MACROD1: variants seen among roughly 807,000 people sequenced by gnomAD.
MACROD1 encodes ADP-ribose glycohydrolase MACROD1.
In MACROD1, 31 loss-of-function variants were observed where a neutral mutation model predicts 41.4. The observed-to-expected ratio is 0.75, with a 90% CI of 0.56 to 1.01. The LOEUF (loss-of-function observed/expected upper bound fraction) is 1.01, where lower values mean the gene tolerates loss of function less well. Among genes scored for constraint, MACROD1 ranks in the 50% least tolerant of loss-of-function variants. The pLI, the probability that MACROD1 is intolerant of heterozygous loss-of-function variation, is 0.00. For synonymous variants in MACROD1, 252 were observed against 203.4 expected (o/e 1.24, Z -2.03); for missense variants, 473 against 460.0 (o/e 1.03, Z -0.26).
intron 3 of MACROD1, among the ~76,000 whole-genome samples, chr11:64,133,501 G>A (rs1945293691): frequency 6.6e-6 from 1 of 152,112 alleles, no homozygotes; most frequent in South Asian, 2.1e-4. Context: ...TGTGGCTCGC[G>A]TTCTCTCCCT....
In MACROD1 at chr11:64,090,933, T is replaced by C. The variant is rs1170691612; in HGVS notation, c.517+60306A>G. On this transcript the variant is annotated intron_variant, in intron 3 of 10. Transcript: ENST00000255681. This position sits in a 1 kb window ranked among gnomAD's most constrained non-coding sequence, Gnocchi z 4.7. ...GGTGGTCACAGTTTGGTCTGCCCTG[T>C]AGGGGGCACTGGCAGAATCTGCAGC... 3.3e-5 allele frequency among the ~76,000 whole-genome samples: 5 copies of C among 151,148 alleles called. No homozygotes were observed. The South Asian group carries it at 1.1e-3, about 32-fold the overall frequency.
In MACROD1 at chr11:64,062,012, C is replaced by G. The variant is rs374023464; in HGVS notation, c.518-46731G>C. Reference sequence around the variant, plus strand: ...CTACTTGCTTCTGTTAGTTACTTTCCCAAACAAATCCTGTCCTGAGATTCT... The same window carrying G: ...CTACTTGCTTCTGTTAGTTACTTTCGCAAACAAATCCTGTCCTGAGATTCT... On this transcript the variant is annotated intron_variant, in intron 3 of 10. Coordinates refer to ENST00000255681, the MANE Select transcript of MACROD1 (RefSeq NM_014067.4). Among the ~76,000 whole-genome samples the G allele has an allele frequency of 3.5e-5, 5 of 142,586 alleles. No homozygotes were observed. The East Asian group carries it at 9.0e-4, about 26-fold the overall frequency. 93.5% of individuals were successfully genotyped at this position (142,586 alleles called of 152,430 possible).
chr11:64,151,304 T>C lies in MACROD1; in HGVS notation c.452A>G (p.Asn151Ser). ...EPRYKKDKQL[N>S]EKISLLRSDI... The stretch of plus-strand genomic sequence containing the variant: ...GCTGCGGAGCAGGGAGATTTTCTCA[T>C]TGAGCTGCTTGTCCTTTTTATACCT... Residue 151 changes from asparagine to serine, a missense_variant, in exon 3 of 11, where the codon AAT becomes AGT. Asn to Ser is a conservative substitution (Grantham distance 46). Transcript: ENST00000255681. 1 of 1,613,966 alleles carries C rather than the reference T, an allele frequency of 6.2e-7. No individual in the cohort carries two copies. Among genetic ancestry groups the C allele is most frequent in the African/African-American group, 1.3e-5 (1 of 75,050 alleles).
At chr11:64,072,124 G>C (rs927009289) in intron 3 of MACROD1, among the ~76,000 whole-genome samples, 1 of 152,224 alleles carries the variant, frequency 6.6e-6, no homozygotes, top group African/African-American at 2.4e-5. Flanking sequence ...GGCCTGCCCC[G>C]GCTGGCAGCC....
intron 3 of MACROD1, among the ~76,000 whole-genome samples, chr11:64,128,372 G>A (rs1449585860): frequency 2.0e-5 from 3 of 152,214 alleles, no homozygotes; most frequent in Non-Finnish European, 2.9e-5. Flanking sequence ...CTGAGGGCCT[G>A]CTATGCTCTG....
Position 64,086,617 on chromosome 11 carries a change from G to A in MACROD1, c.517+64622C>T, listed in dbSNP as rs183338633. On this transcript the variant is annotated intron_variant, in intron 3 of 10. Transcript: ENST00000255681. ...GTTCTGCGACTGGGGTGCTTTTTCC[G>A]GCCCCTGCAGCCCCACTTCTGTCTG... Among the ~76,000 whole-genome samples, 609 of 152,194 alleles carry A rather than the reference G, an allele frequency of 4.0e-3. 4 individuals carry two copies. Among genetic ancestry groups the A allele is most frequent in the Non-Finnish European group, 7.1e-3 (483 of 68,006 alleles).
At chr11:64,136,535 G>A (rs1945335210) in intron 3 of MACROD1, among the ~76,000 whole-genome samples, 1 of 152,206 alleles carries the variant, frequency 6.6e-6, no homozygotes, top group South Asian at 2.1e-4. Flanking sequence ...CTGCCTGGAG[G>A]CTGGGGGATG....
At chr11:64,116,219 G>T in intron 3 of MACROD1, 1 of 1,559,490 alleles carries the variant, frequency 6.4e-7, no homozygotes, top group Non-Finnish European at 8.6e-7. Context: ...CTCCTTGCAG[G>T]TATTCAGGCT....
chr11:64,099,844 GATGA>G (rs1258839258), intron 3 of MACROD1, among the ~76,000 whole-genome samples: 4 of 151,850 alleles, frequency 2.6e-5, no homozygotes, highest in African/African-American at 9.7e-5. Context: ...TGGATGGATG[GATGA>G]ATGAATAGAG....
rs1029025218 is a variant in MACROD1, at chr11:64,130,691, A to C, written c.517+20548T>G. Among the ~76,000 whole-genome samples the C allele has an allele frequency of 3.3e-5, 5 of 151,936 alleles. No homozygotes were observed. The South Asian group carries it at 6.2e-4, about 19-fold the overall frequency. On this transcript the variant is annotated intron_variant, in intron 3 of 10. Coordinates refer to ENST00000255681, the MANE Select transcript of MACROD1 (RefSeq NM_014067.4). The stretch of plus-strand genomic sequence containing the variant: ...TAAGGCATGCTTCCAGGACCCCCCC[A>C]CACATGCCGCTGCCTCCCCGCCGCC...
At chr11:64,079,232 G>A (rs1944260724) in intron 3 of MACROD1, among the ~76,000 whole-genome samples, 2 of 152,130 alleles carry the variant, frequency 1.3e-5, no homozygotes, top group African/African-American at 2.4e-5. Context: ...GCCCCTTCCT[G>A]CTCTGGCATG....
chr11:64,131,344 T>C (rs1274942834), intron 3 of MACROD1, among the ~76,000 whole-genome samples: 1 of 149,256 alleles, frequency 6.7e-6, no homozygotes, highest in East Asian at 2.0e-4. Flanking sequence ...CGGGACGTTT[T>C]CTTTTTTTTG....
chr11:64,010,426 T>C (rs1219733790), intron 4 of MACROD1, among the ~76,000 whole-genome samples: 3 of 145,812 alleles, frequency 2.1e-5, no homozygotes, highest in East Asian at 2.1e-4. Context: ...GGTTGAGATG[T>C]TGGCTGACAT....
chr11:64,143,980 A>G (rs1156618599), intron 3 of MACROD1, among the ~76,000 whole-genome samples: 1 of 152,086 alleles, frequency 6.6e-6, no homozygotes, highest in Admixed American at 6.5e-5. Flanking sequence ...GCCTAGACCT[A>G]GAGGGAGACA....
At chr11:64,013,209 T>C (rs1042946636) in intron 4 of MACROD1, among the ~76,000 whole-genome samples, 4 of 152,150 alleles carry the variant, frequency 2.6e-5, no homozygotes, top group Non-Finnish European at 5.9e-5. Context: ...AATATGTAAG[T>C]AAATTATACA....
At chr11:64,165,570 C>T in intron 1 of MACROD1, 127 bp downstream of exon 1, 1 of 810,376 alleles carries the variant, frequency 1.2e-6, no homozygotes, top group Non-Finnish European at 1.8e-6. Flanking sequence ...CGTTCCAGGG[C>T]AGATGGGGCC....
intron 3 of MACROD1, among the ~76,000 whole-genome samples, chr11:64,044,984 G>A (rs1230978200): frequency 6.6e-6 from 1 of 152,210 alleles, no homozygotes; most frequent in Non-Finnish European, 1.5e-5. Flanking sequence ...CATAGGGTAG[G>A]TGTCATTTGC....
intron 3 of MACROD1, among the ~76,000 whole-genome samples, chr11:64,020,984 T>C (rs1242621743): frequency 6.6e-6 from 1 of 152,032 alleles, no homozygotes; most frequent in African/African-American, 2.4e-5. Flanking sequence ...CCCAAAGCGC[T>C]AGGATTACAG....
chr11:64,117,272 C>T, intron 3 of MACROD1: 4 of 1,614,192 alleles, frequency 2.5e-6, no homozygotes, highest in Non-Finnish European at 3.4e-6. Flanking sequence ...GTGGCTGCAA[C>T]CTCATGTGGC....
Sources: gnomAD v4.1 joint callset for allele counts (sites outside exome capture counted in the v4.1 genomes callset) on GRCh38, gnomAD v4.1.1 for gene constraint, Gnocchi (gnomAD v3.1) non-coding constraint, MANE v1.5 for transcripts, NCBI Gene and HGNC (gene_info 2026-07-23, HGNC 2026-07-21) for gene names.